The following TBL1Y variants were observed in gnomAD, a reference collection of about 807,000 sequenced individuals.
The protein encoded by TBL1Y is F-box-like/WD repeat-containing protein TBL1Y.
A neutral mutation model predicts 12.0 loss-of-function variants in TBL1Y; 15 were observed. The ratio of observed to expected loss-of-function variants is 1.25; its 90% CI spans 0.83 to 1.92. TBL1Y has a LOEUF of 1.92. Among genes scored for constraint, TBL1Y ranks in the 40% most tolerant of loss-of-function variants. The probability of loss-of-function intolerance (pLI) is 0.00; values close to 1 mark genes in which losing one functional copy is unlikely to be tolerated. For synonymous variants in TBL1Y, 53 were observed against 42.6 expected (o/e 1.24, Z -0.95); for missense variants, 148 against 116.7 (o/e 1.27, Z -1.24).
chrY:6,929,650 C>T, intron 2 of TBL1Y, among the ~76,000 whole-genome samples: 4 of 32,957 alleles, frequency 1.2e-4, no homozygotes, highest in African/African-American at 2.4e-4. Context: ...ATGGAGTGTG[C>T]GGCCTCAGCC....
intron 7 of TBL1Y, among the ~76,000 whole-genome samples, chrY:7,063,535 C>G (rs2012910645): frequency 3.1e-5 from 1 of 32,307 alleles, no homozygotes; most frequent in Non-Finnish European, 7.5e-5. Context: ...CGGAATGAGT[C>G]AGGATGGAGT....
At chrY:7,003,317 A>G (rs2012463950) in intron 4 of TBL1Y, among the ~76,000 whole-genome samples, 2 of 33,845 alleles carry the variant, frequency 5.9e-5, no homozygotes, top group Non-Finnish European at 1.5e-4. Context: ...ATCATTGGAC[A>G]TATGTCCTGG....
intron 10 of TBL1Y, 59 bp downstream of exon 10, chrY:7,070,920 G>A: frequency 2.8e-6 from 1 of 361,104 alleles, no homozygotes; most frequent in Non-Finnish European, 3.8e-6. Flanking sequence ...AGCCAGGCAT[G>A]GGCTGCAGTG....
intron 13 of TBL1Y, among the ~76,000 whole-genome samples, chrY:7,075,135 C>T (rs2013053968): frequency 3.0e-5 from 1 of 33,110 alleles, no homozygotes; most frequent in Non-Finnish European, 7.4e-5. Flanking sequence ...ACCTCCAGGA[C>T]TGTCCAAGAT....
chrY:6,924,687 G>C (rs1040650626), intron 2 of TBL1Y, among the ~76,000 whole-genome samples: 6 of 32,413 alleles, frequency 1.9e-4, no homozygotes, highest in African/African-American at 7.2e-4. Flanking sequence ...GTATGCAAAC[G>C]TAATTCCCAG....
At chrY:7,064,452 G>T in intron 8 of TBL1Y, among the ~76,000 whole-genome samples, 1 of 33,197 alleles carries the variant, frequency 3.0e-5, no homozygotes, top group African/African-American at 1.2e-4. Context: ...TTAATTCATG[G>T]ACAAATTTAG....
At chrY:6,982,779 G>A in intron 3 of TBL1Y, among the ~76,000 whole-genome samples, 3 of 33,575 alleles carry the variant, frequency 8.9e-5, no homozygotes, top group African/African-American at 3.5e-4. Flanking sequence ...CAGGAGGTGA[G>A]CTGCATGTGG....
At chrY:7,006,410 T>C (rs2012486186) in intron 4 of TBL1Y, among the ~76,000 whole-genome samples, 1 of 33,340 alleles carries the variant, frequency 3.0e-5, no homozygotes, top group Non-Finnish European at 7.4e-5. Context: ...TGGCCATATA[T>C]GGAAAGCTGA....
intron 2 of TBL1Y, among the ~76,000 whole-genome samples, chrY:6,940,194 G>A: frequency 1.0e-4 from 3 of 29,701 alleles, no homozygotes. Flanking sequence ...CCGGGAAGGC[G>A]GAGCTTGCAG....
At chrY:6,947,329 A>G in intron 2 of TBL1Y, among the ~76,000 whole-genome samples, 1 of 33,491 alleles carries the variant, frequency 3.0e-5, no homozygotes, top group African/African-American at 1.2e-4. Flanking sequence ...TCTACAGTCC[A>G]TGCTTTAGTA....
chrY:6,993,910 A>G (rs2012392842), intron 3 of TBL1Y, among the ~76,000 whole-genome samples: 1 of 31,685 alleles, frequency 3.2e-5, no homozygotes, highest in Non-Finnish European at 7.5e-5. Context: ...TAAATGGATG[A>G]TGAGTATTGG....
chrY:7,061,573 C>T (rs1603045727), intron 7 of TBL1Y, among the ~76,000 whole-genome samples: 2 of 31,990 alleles, frequency 6.3e-5, no homozygotes, highest in Admixed American at 2.9e-4. Flanking sequence ...GCTGTTGTTT[C>T]GCTTCCTCTA....
At chrY:6,954,794 C>T in intron 2 of TBL1Y, among the ~76,000 whole-genome samples, 7 of 33,709 alleles carry the variant, frequency 2.1e-4, no homozygotes, top group African/African-American at 8.1e-4. Context: ...ATTCAGCCAT[C>T]TTGGAACCGC....
At chrY:7,067,011 C>T (rs992254303) in intron 8 of TBL1Y, among the ~76,000 whole-genome samples, 1 of 33,559 alleles carries the variant, frequency 3.0e-5, no homozygotes. Flanking sequence ...CTGCTACTTG[C>T]GAGAAAAGTA....
In TBL1Y at chrY:6,912,100, G is replaced by A; in HGVS notation, c.-338G>A. On this transcript the variant is annotated 5_prime_UTR_variant, in exon 2 of 19. Transcript: ENST00000383032. ...ACCTGCCTTCTAGGTGTTTTCCTCTGCTGGCACGCCAGAATCCCTGGTTCA... is the reference window on the plus strand; with the variant it reads ...ACCTGCCTTCTAGGTGTTTTCCTCTACTGGCACGCCAGAATCCCTGGTTCA... 1 of 34,316 alleles carries A rather than the reference G, an allele frequency of 2.9e-5. No homozygotes were observed. The highest frequency in any genetic ancestry group is 7.3e-5 in the Non-Finnish European group (1 of 13,766). The allele number at this position is 34,316 out of a possible 400,897, so 8.6% of individuals were successfully genotyped here.
intron 2 of TBL1Y, among the ~76,000 whole-genome samples, chrY:6,963,259 T>C: frequency 3.0e-5 from 1 of 32,978 alleles, no homozygotes; most frequent in Non-Finnish European, 7.4e-5. Flanking sequence ...TTTTGGCCAT[T>C]GATTTAAGGC....
At chrY:7,000,663 G>A (rs2012442520) in intron 4 of TBL1Y, among the ~76,000 whole-genome samples, 2 of 34,117 alleles carry the variant, frequency 5.9e-5, no homozygotes, top group African/African-American at 1.1e-4. Context: ...GCAGTGGCAC[G>A]ATCTCAGCTT....
chrY:7,080,047 GTTTGTTTTTTTTTTT>G (rs2013084173), intron 13 of TBL1Y, among the ~76,000 whole-genome samples: 1 of 8,394 alleles, frequency 1.2e-4, no homozygotes, highest in African/African-American at 8.5e-4. Context: ...ACACGGGACT[GTTTGTTTTTTTTTTT>G]TTTTTTTTTT....
In TBL1Y at chrY:7,090,415, TA is replaced by T. The variant is rs2013170306; in HGVS notation, c.1548+227del. 8.8e-5 allele frequency among the ~76,000 whole-genome samples: 3 copies of T among 34,205 alleles called. No homozygotes were observed. The South Asian group carries it at 2.0e-3, about 22-fold the overall frequency. 91.8% of individuals were successfully genotyped at this position (34,205 alleles called of 37,273 possible). A position where few individuals can be genotyped will look rare whatever the true frequency, so the allele number is the denominator to read the frequency against. ...GTCCCTTCCAGAATGTCCTTCTAAT[TA>T]ACATTTTCTCAGTTAAATTGGTGGT... On this transcript the variant is annotated intron_variant, in intron 18 of 18. Coordinates refer to ENST00000383032, the MANE Select transcript of TBL1Y (RefSeq NM_033284.2).
Sources: allele counts gnomAD v4.1 joint callset (sites outside exome capture counted in the v4.1 genomes callset), GRCh38; gene constraint gnomAD v4.1.1; transcripts MANE v1.5; gene names NCBI Gene and HGNC (gene_info 2026-07-23, HGNC 2026-07-21).